The following ACOT11 variants were observed in gnomAD, a reference collection of about 807,000 sequenced individuals.
ACOT11 encodes the protein acyl-coenzyme A thioesterase 11.
In ACOT11, 69 loss-of-function variants were observed where a neutral mutation model predicts 77.5. The observed-to-expected ratio is 0.89, with a 90% confidence interval of 0.73 to 1.09. The LOEUF is 1.09. ACOT11 is among the 50% of genes least tolerant of loss of function. The probability of loss-of-function intolerance (pLI) is 0.00; values close to 1 mark genes in which losing one functional copy is unlikely to be tolerated. For synonymous variants in ACOT11, 279 were observed against 313.0 expected (o/e 0.89, Z 1.15); for missense variants, 766 against 813.7 (o/e 0.94, Z 0.71).
intron 1 of ACOT11, among the ~76,000 whole-genome samples, chr1:54,580,986 C>G (rs1487570837): frequency 6.6e-6 from 1 of 152,116 alleles, no homozygotes; most frequent in Non-Finnish European, 1.5e-5. Context: ...GGGTGAGTGG[C>G]AGGAGCTACG....
chr1:54,564,851 C>T (rs1305390977), intron 1 of ACOT11, among the ~76,000 whole-genome samples: 3 of 152,232 alleles, frequency 2.0e-5, no homozygotes, highest in East Asian at 3.9e-4. Context: ...GAGCCTGCTT[C>T]GTGCCAGGTA....
intron 1 of ACOT11, among the ~76,000 whole-genome samples, chr1:54,558,818 C>T (rs995259847): frequency 2.0e-5 from 3 of 152,162 alleles, no homozygotes; most frequent in South Asian, 2.1e-4. Context: ...TTTGGGCTTT[C>T]GAGCGCTGTG....
rs149855531 is a variant in ACOT11, at chr1:54,598,362, A to T, written c.765-934A>T. The T allele has an allele frequency of 6.5e-3, 995 of 152,346 alleles. 9 individuals are homozygous for T. The highest frequency in any genetic ancestry group is 0.017 in the Middle Eastern group (5 of 294). 9.4% of individuals were successfully genotyped at this position (152,346 alleles called of 1,614,324 possible). ...TGGAAGGAAAATGGGAAAGGGGTTTACCCAAAGCCCTGCTTTCTTCTGTCC... is the reference window on the plus strand; with the variant it reads ...TGGAAGGAAAATGGGAAAGGGGTTTTCCCAAAGCCCTGCTTTCTTCTGTCC... On this transcript the variant is annotated intron_variant, in intron 7 of 15. Transcript: ENST00000343744.
intron 10 of ACOT11, among the ~76,000 whole-genome samples, chr1:54,603,510 CT>C (rs1200805287): frequency 3.3e-5 from 5 of 152,184 alleles, no homozygotes; most frequent in African/African-American, 1.2e-4. Flanking sequence ...GTGCCAAGCA[CT>C]GTTATTGTGA....
intron 8 of ACOT11, 85 bp from the exon 9 acceptor site, chr1:54,601,184 T>C: frequency 2.0e-6 from 3 of 1,511,960 alleles, no homozygotes; most frequent in South Asian, 1.2e-5. Context: ...TGTGTGCATG[T>C]GTGTGTGTGA....
rs1557667491 is a variant in ACOT11 at position 54,609,248 on chromosome 1, G to GACCCACCACCCC, written c.*136_*137insACCCACCACCCC. The GACCCACCACCCC allele has an allele frequency of 2.5e-6, 4 of 1,595,128 alleles. No individual in the cohort carries two copies. In the East Asian group the frequency reaches 9.0e-5, roughly 36 times the overall value. Reference sequence around the variant, plus strand: ...GGAAGCCTCCGCCCTGAGGTCCGCTGGCCCACCACCCCTGGGTGCTCAGTT... The same window carrying GACCCACCACCCC: ...GGAAGCCTCCGCCCTGAGGTCCGCTGACCCACCACCCCGCCCACCACCCCTGGGTGCTCAGTT... On this transcript the variant is annotated 3_prime_UTR_variant, in exon 16 of 16. Transcript: ENST00000343744.
chr1:54,559,268 C>T lies in ACOT11; in HGVS notation c.33+10926C>T, dbSNP rs1653383045. On this transcript the variant is annotated intron_variant, in intron 1 of 15. Coordinates refer to ENST00000343744, the MANE Select transcript of ACOT11 (RefSeq NM_147161.4). Reference sequence around the variant, plus strand: ...TCCTCTGCCCACCCTCACACACTGACAGTGTAGATTCAGGGCCCCAGGCTG... The same window carrying T: ...TCCTCTGCCCACCCTCACACACTGATAGTGTAGATTCAGGGCCCCAGGCTG... 2.6e-5 allele frequency among the ~76,000 whole-genome samples: 4 copies of T among 152,300 alleles called. No homozygotes were observed. The South Asian group carries it at 8.3e-4, about 32-fold the overall frequency.
At chr1:54,567,671 G>A (rs994026580) in intron 1 of ACOT11, among the ~76,000 whole-genome samples, 1 of 151,852 alleles carries the variant, frequency 6.6e-6, no homozygotes, top group Non-Finnish European at 1.5e-5. Context: ...TACACTGCCC[G>A]CAGGTGTAGC....
At chr1:54,611,718 G>A, downstream of ACOT11, 1 of 1,614,162 alleles carries the variant, frequency 6.2e-7, no homozygotes, top group Non-Finnish European at 8.5e-7. Flanking sequence ...TGGGGTCCGA[G>A]GCAGCCTGCC....
Position 54,610,321 on chromosome 1 carries a change from C to T in ACOT11, c.*1209C>T. 1 of 1,549,978 alleles carries T rather than the reference C, an allele frequency of 6.5e-7. No individual in the cohort carries two copies. ...GTATGGTGTAAATAAACCTGTGTTGCCATGGCAACAGAGACCGGCGGTACC... is the reference window on the plus strand; with the variant it reads ...GTATGGTGTAAATAAACCTGTGTTGTCATGGCAACAGAGACCGGCGGTACC... On this transcript the variant is annotated 3_prime_UTR_variant, in exon 16 of 16. Coordinates refer to ENST00000343744, the MANE Select transcript of ACOT11 (RefSeq NM_147161.4).
At chr1:54,562,999 C>G (rs1259395729) in intron 1 of ACOT11, among the ~76,000 whole-genome samples, 1 of 146,482 alleles carries the variant, frequency 6.8e-6, no homozygotes, top group Admixed American at 6.8e-5. Context: ...ACTTCCCAGA[C>G]GGGGTGGCGG....
chr1:54,560,046 G>A (rs1349782138), intron 1 of ACOT11, among the ~76,000 whole-genome samples: 7 of 152,226 alleles, frequency 4.6e-5, no homozygotes, highest in Non-Finnish European at 1.5e-5. Context: ...GCAGCCTTGC[G>A]GGTTAGAGGT....
At chr1:54,610,677 C>T, downstream of ACOT11, 1 of 1,439,964 alleles carries the variant, frequency 6.9e-7, no homozygotes, top group Non-Finnish European at 9.1e-7. Context: ...AGCACCCTGC[C>T]AAGTAGCTCT....
At position 54,584,333 on chromosome 1, in the gene ACOT11, T is replaced by C. The variant is rs1168533857; in HGVS notation, c.34-322T>C. On this transcript the variant is annotated intron_variant, in intron 1 of 15. Coordinates refer to ENST00000343744, the MANE Select transcript of ACOT11 (RefSeq NM_147161.4). This position sits in a 1 kb window ranked among gnomAD's most constrained non-coding sequence, Gnocchi z 6.3. ...TGAACGTAAATCTAAGGCAACACTT[T>C]AAACAGTTGGCCCAGGAGCTGAAGC... Among the ~76,000 whole-genome samples the C allele has an allele frequency of 1.3e-5, 2 of 152,172 alleles. No individual in the cohort carries two copies. Among genetic ancestry groups the C allele is most frequent in the Admixed American group, 1.3e-4 (2 of 15,278 alleles).
Position 54,585,831 on chromosome 1 carries a change from C to A in ACOT11, c.242-4C>A. Reference sequence around the variant, plus strand: ...AATGTCTGGCTTTCTTCTGCTGACACCAGCGGAGAGGCACGCTGGCTGCCC... The same window carrying A: ...AATGTCTGGCTTTCTTCTGCTGACAACAGCGGAGAGGCACGCTGGCTGCCC... On this transcript the variant is annotated splice_polypyrimidine_tract_variant and splice_region_variant and intron_variant, in intron 2 of 15. Coordinates refer to ENST00000343744, the MANE Select transcript of ACOT11 (RefSeq NM_147161.4). 1 of 1,613,970 alleles carries A rather than the reference C, an allele frequency of 6.2e-7. No homozygotes were observed. Among genetic ancestry groups the A allele is most frequent in the Non-Finnish European group, 8.5e-7 (1 of 1,179,942 alleles).
chr1:54,577,028 T>A (rs1654140725), intron 1 of ACOT11, among the ~76,000 whole-genome samples: 1 of 152,220 alleles, frequency 6.6e-6, no homozygotes, highest in South Asian at 2.1e-4. Context: ...TTTCACCATA[T>A]CTTCCCCTTA....
intron 1 of ACOT11, among the ~76,000 whole-genome samples, chr1:54,550,051 T>C (rs1349847504): frequency 2.6e-5 from 4 of 152,200 alleles, no homozygotes; most frequent in Non-Finnish European, 2.9e-5. Flanking sequence ...GGTACAGTTA[T>C]CATCCCCGTA....
intron 6 of ACOT11, 22 bp downstream of exon 6, chr1:54,594,713 A>G (rs375971119): frequency 6.3e-7 from 1 of 1,597,960 alleles, no homozygotes; most frequent in African/African-American, 1.3e-5. Flanking sequence ...CCAGCTGTGC[A>G]TGGGGAGGGT....
chr1:54,623,319 A>T, intron 15 of ACOT11: 1 of 1,614,000 alleles, frequency 6.2e-7, no homozygotes, highest in East Asian at 2.2e-5. Flanking sequence ...TGCGGCAATG[A>T]CCACCACAGA....
Sources: gnomAD v4.1 joint callset for allele counts (sites outside exome capture counted in the v4.1 genomes callset) on GRCh38, gnomAD v4.1.1 for gene constraint, Gnocchi (gnomAD v3.1) non-coding constraint, MANE v1.5 for transcripts, NCBI Gene and HGNC (gene_info 2026-07-23, HGNC 2026-07-21) for gene names.